IL12RB2: variants seen among roughly 807,000 people sequenced by gnomAD.
The protein encoded by IL12RB2 is interleukin 12 receptor subunit beta 2.
A neutral mutation model predicts 89.4 loss-of-function variants in IL12RB2; 82 were observed. The ratio of observed to expected loss-of-function variants is 0.92; its 90% CI spans 0.77 to 1.10. The LOEUF (loss-of-function observed/expected upper bound fraction) is 1.10, where lower values mean the gene tolerates loss of function less well. Ranked by LOEUF, IL12RB2 falls within the 50% of genes least tolerant of loss-of-function variation. IL12RB2 has a pLI of 0.00. For missense variants in IL12RB2, 963 were observed against 1,031.9 expected (o/e 0.93, Z 0.92); for synonymous variants, 368 against 370.1 (o/e 0.99, Z 0.07).
rs71062413 is a variant in IL12RB2, at chr1:67,342,761, C to CTTTTTTTTTTTTTTTTTTTTTTT, written c.1038+4074_1038+4075insTTTTTTTTTTTTTTTTTTTTTTT. Among the ~76,000 whole-genome samples the CTTTTTTTTTTTTTTTTTTTTTTT allele has an allele frequency of 5.8e-5, 8 of 137,168 alleles. 4 individuals are homozygous for CTTTTTTTTTTTTTTTTTTTTTTT. Among genetic ancestry groups the CTTTTTTTTTTTTTTTTTTTTTTT allele is most frequent in the Non-Finnish European group, 3.1e-5 (2 of 63,968 alleles). The allele number at this position is 137,168 out of a possible 152,430, so 90.0% of individuals were successfully genotyped here. ...CTTGTACTACTTTTTAAAATCACAC[C>CTTTTTTTTTTTTTTTTTTTTTTT]TTTTTTTTTTTTTTTTGAGACAGGG... On this transcript the variant is annotated intron_variant, in intron 9 of 16. Coordinates refer to ENST00000674203, the MANE Select transcript of IL12RB2 (RefSeq NM_001374259.2).
At chr1:67,375,445 T>A (rs558235844) in intron 13 of IL12RB2, among the ~76,000 whole-genome samples, 1 of 152,150 alleles carries the variant, frequency 6.6e-6, no homozygotes, top group Admixed American at 6.5e-5. Flanking sequence ...GTAACTGTCA[T>A]AATCAAGGAC....
intron 2 of IL12RB2, among the ~76,000 whole-genome samples, chr1:67,315,279 T>A (rs1009664083): frequency 1.3e-5 from 2 of 152,256 alleles, no homozygotes; most frequent in South Asian, 2.1e-4. Flanking sequence ...TCCATTTTTT[T>A]AAATCCTTAT....
intron 9 of IL12RB2, among the ~76,000 whole-genome samples, chr1:67,347,139 G>A (rs1432401727): frequency 3.3e-5 from 5 of 152,174 alleles, no homozygotes; most frequent in African/African-American, 1.2e-4. Flanking sequence ...ATGTGGTAGA[G>A]CAAGGAAGCA....
chr1:67,349,404 G>T (rs556057008), intron 9 of IL12RB2, among the ~76,000 whole-genome samples: 2 of 152,278 alleles, frequency 1.3e-5, no homozygotes, highest in South Asian at 4.1e-4. Flanking sequence ...TGAGGGGATG[G>T]TCTTCCCTTG....
At chr1:67,318,880 T>C (rs1656128280) in intron 2 of IL12RB2, among the ~76,000 whole-genome samples, 1 of 148,602 alleles carries the variant, frequency 6.7e-6, no homozygotes, top group Admixed American at 6.7e-5. Context: ...ACAGAGAAAG[T>C]AGAAATGGAA....
rs140587981 is a variant in IL12RB2 at position 67,395,591 on chromosome 1, C to T, written c.2091C>T (p.Pro697=). The change falls in exon 17 of 17, where the codon CCC becomes CCT. Residue 697 remains proline, a synonymous_variant. Coordinates refer to ENST00000674203, the MANE Select transcript of IL12RB2 (RefSeq NM_001374259.2). ...TGGACAGGCTCCTGATAGACTGGCC[C>T]ACGCCTGAAGATCCTGAACCGCTGG... ...LPLDRLLIDW[P]TPEDPEPLVI... 379 of 1,614,240 alleles carry T rather than the reference C, an allele frequency of 2.3e-4. 2 individuals carry two copies. In the African/African-American group the frequency reaches 4.5e-3, roughly 19 times the overall value.
At chr1:67,331,563 G>A (rs540450478) in intron 8 of IL12RB2, among the ~76,000 whole-genome samples, 73 of 152,056 alleles carry the variant, frequency 4.8e-4, no homozygotes, top group Non-Finnish European at 9.4e-4. Context: ...CATTTAGGCC[G>A]GCATGGTCGC....
intron 16 of IL12RB2, among the ~76,000 whole-genome samples, chr1:67,390,968 A>G (rs1280151490): frequency 1.3e-5 from 2 of 152,134 alleles, no homozygotes; most frequent in African/African-American, 2.4e-5. Context: ...TCCTCAGGCC[A>G]GAAGCCAGTG....
chr1:67,367,995 C>A lies in IL12RB2; in HGVS notation c.1429C>A (p.Arg477=). The change falls in exon 11 of 17, where the codon CGA becomes AGA. Residue 477 remains arginine (R), a synonymous_variant. Transcript: ENST00000674203. ...GGTCCCTCTAAACTGGCTACGGAGT[C>A]GACCCTACAATGTGTCTGCTCTGAT... ...TQVPLNWLRS[R]PYNVSALISE... 6.2e-7 allele frequency: 1 copy of A among 1,607,266 alleles called. No homozygotes were observed. The highest frequency in any genetic ancestry group is 2.2e-5 in the East Asian group (1 of 44,836).
rs907786907 is a variant in IL12RB2, at chr1:67,396,239, G to T, written c.*150G>T. Reference sequence around the variant, plus strand: ...GGACAGGCAAGCCAGCTCTGGGGGAGTCTTAGGAACTGGGAGTTGGTCTTC... The same window carrying T: ...GGACAGGCAAGCCAGCTCTGGGGGATTCTTAGGAACTGGGAGTTGGTCTTC... On this transcript the variant is annotated 3_prime_UTR_variant, in exon 17 of 17. Coordinates refer to ENST00000674203, the MANE Select transcript of IL12RB2 (RefSeq NM_001374259.2). 8 of 747,474 alleles carry T rather than the reference G, an allele frequency of 1.1e-5. No homozygotes were observed. In the African/African-American group the frequency reaches 1.4e-4, roughly 13 times the overall value. The allele number at this position is 747,474 out of a possible 1,614,324, so 46.3% of individuals were successfully genotyped here.
chr1:67,390,455 CTTTTT>C (rs67532605), intron 16 of IL12RB2, among the ~76,000 whole-genome samples: 14 of 107,534 alleles, frequency 1.3e-4, no homozygotes, highest in Admixed American at 2.3e-4. Flanking sequence ...GCAAACTTTC[CTTTTT>C]TTTTTTTTTT....
chr1:67,391,548 A>G (rs1242543971), intron 16 of IL12RB2, among the ~76,000 whole-genome samples: 1 of 149,054 alleles, frequency 6.7e-6, no homozygotes, highest in East Asian at 1.9e-4. Context: ...CATTATTATA[A>G]TTTAGATATA....
chr1:67,346,903 C>A (rs540909555), intron 9 of IL12RB2, among the ~76,000 whole-genome samples: 55 of 152,086 alleles, frequency 3.6e-4, no homozygotes, highest in Admixed American at 2.3e-3. Flanking sequence ...AGTGTATTAG[C>A]AAAACTGACA....
chr1:67,353,496 G>A (rs1293204107), intron 10 of IL12RB2, among the ~76,000 whole-genome samples: 4 of 152,206 alleles, frequency 2.6e-5, no homozygotes, highest in Non-Finnish European at 2.9e-5. Flanking sequence ...TTGAGGCTAG[G>A]AGGTTGAGAT....
intron 8 of IL12RB2, among the ~76,000 whole-genome samples, chr1:67,335,879 C>A (rs1658697051): frequency 6.6e-6 from 1 of 152,182 alleles, no homozygotes; most frequent in African/African-American, 2.4e-5. Flanking sequence ...AGGTAGGCAC[C>A]ATTAACATTT....
At chr1:67,341,473 A>T (rs1659521825) in intron 9 of IL12RB2, among the ~76,000 whole-genome samples, 1 of 85,850 alleles carries the variant, frequency 1.2e-5, no homozygotes, top group Non-Finnish European at 3.0e-5. Flanking sequence ...GGAGGGAAGG[A>T]AGGAGAAAGA....
Position 67,397,644 on chromosome 1 carries a change from T to C in IL12RB2, c.*1555T>C, listed in dbSNP as rs895106037. Reference sequence around the variant, plus strand: ...CATTGCTGCCTCTGTCTCTTCACCATAGGCACTTCTGCCAAACTAGTGGAG... The same window carrying C: ...CATTGCTGCCTCTGTCTCTTCACCACAGGCACTTCTGCCAAACTAGTGGAG... On this transcript the variant is annotated 3_prime_UTR_variant, in exon 17 of 17. Coordinates refer to ENST00000674203, the MANE Select transcript of IL12RB2 (RefSeq NM_001374259.2). Among the ~76,000 whole-genome samples, 2 of 152,244 alleles carry C rather than the reference T, an allele frequency of 1.3e-5. No homozygotes were observed. The highest frequency in any genetic ancestry group is 2.9e-5 in the Non-Finnish European group (2 of 68,044).
intron 10 of IL12RB2, among the ~76,000 whole-genome samples, chr1:67,357,983 G>A (rs772217822): frequency 3.3e-5 from 5 of 152,054 alleles, no homozygotes; most frequent in African/African-American, 4.8e-5. Flanking sequence ...GATCAAGAAT[G>A]TTACAGAATG....
intron 16 of IL12RB2, among the ~76,000 whole-genome samples, chr1:67,394,586 T>C (rs1009459754): frequency 1.3e-4 from 20 of 152,184 alleles, no homozygotes; most frequent in African/African-American, 4.6e-4. Flanking sequence ...TATTCCAAAG[T>C]AGTCTTTCTT....
Sources: gnomAD v4.1 joint callset for allele counts (sites outside exome capture counted in the v4.1 genomes callset) on GRCh38, gnomAD v4.1.1 for gene constraint, MANE v1.5 for transcripts, NCBI Gene and HGNC (gene_info 2026-07-23, HGNC 2026-07-21) for gene names.